The following TEX14 variants were observed in gnomAD, a reference collection of about 807,000 sequenced individuals.
TEX14 encodes inactive serine/threonine-protein kinase TEX14.
In TEX14, 168 loss-of-function variants were observed where a neutral mutation model predicts 178.6. The observed-to-expected ratio is 0.94, with a 90% CI of 0.83 to 1.07. The LOEUF is 1.07. Ranked by LOEUF, TEX14 falls within the 50% of genes least tolerant of loss-of-function variation. The pLI is 0.00. For synonymous variants in TEX14, 626 were observed against 634.1 expected (o/e 0.99, Z 0.19); for missense variants, 1,730 against 1,753.6 (o/e 0.99, Z 0.24).
chr17:58,572,556 C>T (rs886650982), intron 23 of TEX14, among the ~76,000 whole-genome samples: 3 of 151,432 alleles, frequency 2.0e-5, no homozygotes, highest in Non-Finnish European at 2.9e-5. Context: ...GGCATGAACC[C>T]GGGAGGCGGA....
At chr17:58,626,870 A>T (rs1485120695) in intron 3 of TEX14, among the ~76,000 whole-genome samples, 2 of 152,156 alleles carry the variant, frequency 1.3e-5, no homozygotes, top group Non-Finnish European at 2.9e-5. Context: ...ACTTCATCAA[A>T]AACAAAAAAA....
chr17:58,645,525 A>AC (rs1487564971), intron 2 of TEX14, among the ~76,000 whole-genome samples: 1 of 151,542 alleles, frequency 6.6e-6, no homozygotes, highest in Non-Finnish European at 1.5e-5. Flanking sequence ...CGCCCGACTA[A>AC]TTTTTTGTAT....
At chr17:58,563,058 G>A (rs2044304577) in intron 28 of TEX14, among the ~76,000 whole-genome samples, 2 of 132,342 alleles carry the variant, frequency 1.5e-5, no homozygotes, top group African/African-American at 5.9e-5. Context: ...GGGCAACAAT[G>A]TGAGACTCTG....
intron 26 of TEX14, among the ~76,000 whole-genome samples, chr17:58,567,136 T>C (rs2044418907): frequency 6.6e-6 from 1 of 152,066 alleles, no homozygotes; most frequent in Non-Finnish European, 1.5e-5. Flanking sequence ...CATTGCACTC[T>C]AGCCTGGGCA....
chr17:58,628,283 T>C (rs866341948), intron 3 of TEX14, among the ~76,000 whole-genome samples: 4 of 152,088 alleles, frequency 2.6e-5, no homozygotes, highest in Middle Eastern at 3.4e-3. Flanking sequence ...CACACATACA[T>C]AAAATACAAA....
At position 58,599,413 on chromosome 17, in the gene TEX14, T is replaced by G. The variant is rs1023600975; in HGVS notation, c.1932A>C (p.Ser644=). 2.5e-6 allele frequency: 4 copies of G among 1,614,098 alleles called. No individual in the cohort carries two copies. Among genetic ancestry groups the G allele is most frequent in the Non-Finnish European group, 2.5e-6 (3 of 1,180,044 alleles). ...GGTTAGGTCCGTCTGCCTCCAAAGA[T>G]GAAGCAGCTCCTGGAGGCTCTTCTA... ...DDIEEPPGAA[S]SLEADGPNQV... The change falls in exon 14 of 32, where the codon TCA becomes TCC. Residue 644 remains serine (S), a synonymous_variant. Coordinates refer to ENST00000349033, the MANE Select transcript of TEX14 (RefSeq NM_031272.5).
At chr17:58,600,321 C>T (rs1454560728) in intron 13 of TEX14, among the ~76,000 whole-genome samples, 6 of 151,990 alleles carry the variant, frequency 3.9e-5, no homozygotes, top group African/African-American at 9.7e-5. Context: ...GTCAGGAGTT[C>T]GAGTGGTCTC....
intron 1 of TEX14, among the ~76,000 whole-genome samples, chr17:58,680,463 C>T (rs749242338): frequency 9.2e-5 from 14 of 152,080 alleles, no homozygotes; most frequent in Admixed American, 3.3e-4. Flanking sequence ...TGAAGCAGGC[C>T]GGACGCTGTG....
At chr17:58,612,492 T>C (rs974557021) in intron 9 of TEX14, among the ~76,000 whole-genome samples, 1 of 151,894 alleles carries the variant, frequency 6.6e-6, no homozygotes, top group Non-Finnish European at 1.5e-5. Flanking sequence ...CCCAGCACTT[T>C]AGGAGGCTGA....
chr17:58,661,609 G>A, intron 1 of TEX14: 3 of 706,660 alleles, frequency 4.2e-6, no homozygotes, highest in East Asian at 2.5e-5. Flanking sequence ...TCTTGGGAAG[G>A]CTGATGCGAA....
intron 21 of TEX14, among the ~76,000 whole-genome samples, chr17:58,575,529 C>A (rs2044655791): frequency 6.6e-6 from 1 of 152,162 alleles, no homozygotes; most frequent in Non-Finnish European, 1.5e-5. Flanking sequence ...ATGTTTGTTT[C>A]TCCTTCTAAA....
At chr17:58,624,522 A>G (rs2046090089) in intron 3 of TEX14, among the ~76,000 whole-genome samples, 1 of 151,332 alleles carries the variant, frequency 6.6e-6, no homozygotes, top group Non-Finnish European at 1.5e-5. Context: ...TTGTATTTTT[A>G]GTGGAGACAG....
intron 26 of TEX14, 100 bp from the exon 27 acceptor site, chr17:58,565,924 G>A: frequency 1.1e-6 from 1 of 893,568 alleles, no homozygotes; most frequent in Non-Finnish European, 1.8e-6. Flanking sequence ...TAGACTTGCA[G>A]CATTAACATA....
intron 3 of TEX14, among the ~76,000 whole-genome samples, chr17:58,624,730 A>G (rs532711761): frequency 6.6e-6 from 1 of 152,272 alleles, no homozygotes; most frequent in East Asian, 1.9e-4. Context: ...GCTAAGATCA[A>G]GTGAGAAACT....
Position 58,671,169 on chromosome 17 carries a change from T to A in TEX14, c.-1-19167A>T, listed in dbSNP as rs190106053. 2.1e-4 allele frequency among the ~76,000 whole-genome samples: 32 copies of A among 152,334 alleles called. No individual in the cohort carries two copies. In the East Asian group the frequency reaches 5.8e-3, roughly 27 times the overall value. On this transcript the variant is annotated intron_variant, in intron 1 of 31. Transcript: ENST00000349033. Reference sequence around the variant, plus strand: ...TCTTCACTAATTCTGTCTTTGGCAGTGTCTGCTGCTTAACCCATTCACTAA... The same window carrying A: ...TCTTCACTAATTCTGTCTTTGGCAGAGTCTGCTGCTTAACCCATTCACTAA...
chr17:58,611,337 C>A lies in TEX14; in HGVS notation c.1008G>T (p.Arg336=). 1 of 1,611,108 alleles carries A rather than the reference C, an allele frequency of 6.2e-7. No homozygotes were observed. Among genetic ancestry groups the A allele is most frequent in the Non-Finnish European group, 8.5e-7 (1 of 1,178,282 alleles). The change falls in exon 10 of 32, where the codon CGG becomes CGT. Residue 336 remains arginine, a splice_region_variant and synonymous_variant. Coordinates refer to ENST00000349033, the MANE Select transcript of TEX14 (RefSeq NM_031272.5). ...GTLFSVLHER[R]SQFPVLHMEV... The stretch of plus-strand genomic sequence containing the variant: ...CCATGTGCAGCACTGGGAACTGGGA[C>A]CGCTGCAAGCAAGAGATGAAATGCC...
chr17:58,593,186 CACTT>C (rs1372342206), intron 15 of TEX14, among the ~76,000 whole-genome samples: 1 of 152,222 alleles, frequency 6.6e-6, no homozygotes, highest in African/African-American at 2.4e-5. Context: ...GAGTCAGTGA[CACTT>C]ACTTTAAACA....
chr17:58,618,488 G>A (rs181948757), intron 5 of TEX14, among the ~76,000 whole-genome samples: 49 of 152,350 alleles, frequency 3.2e-4, no homozygotes, highest in African/African-American at 1.2e-3. Flanking sequence ...TGTCTTGGAA[G>A]AAGGGGTGAT....
chr17:58,581,680 T>A, intron 19 of TEX14: 1 of 1,613,788 alleles, frequency 6.2e-7, no homozygotes, highest in South Asian at 1.1e-5. Context: ...AAAATTCATC[T>A]GTTATATCCT....
Sources: allele counts gnomAD v4.1 joint callset (sites outside exome capture counted in the v4.1 genomes callset), GRCh38; gene constraint gnomAD v4.1.1; transcripts MANE v1.5; gene names NCBI Gene and HGNC (gene_info 2026-07-23, HGNC 2026-07-21).